Variants in ULK4 observed in about 807,000 individuals in gnomAD.
ULK4 encodes unc-51 like kinase 4.
Under a neutral mutation model 160.6 loss-of-function variants are expected in ULK4, and 133 were observed. The observed-to-expected ratio is 0.83, with a 90% CI of 0.72 to 0.96. The LOEUF (loss-of-function observed/expected upper bound fraction) is 0.96. ULK4 is among the 40% of genes least tolerant of loss of function. The pLI is 0.00. For synonymous variants in ULK4, 534 were observed against 539.8 expected (o/e 0.99, Z 0.15); for missense variants, 1,580 against 1,499.5 (o/e 1.05, Z -0.89).
intron 34 of ULK4, 30 bp downstream of exon 34, chr3:41,455,467 G>T (rs1340865464): frequency 5.1e-6 from 8 of 1,580,128 alleles, no homozygotes; most frequent in Non-Finnish European, 6.9e-6. Context: ...CTTCAGTAAT[G>T]CCCCAAAAGA....
At chr3:41,836,708 T>G (rs1351105205) in intron 17 of ULK4, among the ~76,000 whole-genome samples, 3 of 152,160 alleles carry the variant, frequency 2.0e-5, no homozygotes, top group African/African-American at 7.2e-5. Context: ...TTTTACATGA[T>G]TCCTTAAAAA....
intron 35 of ULK4, among the ~76,000 whole-genome samples, chr3:41,372,478 G>C (rs1268009712): frequency 6.6e-6 from 1 of 152,160 alleles, no homozygotes; most frequent in African/African-American, 2.4e-5. Flanking sequence ...AGAAAAGAGT[G>C]GGGGCCAATA....
intron 35 of ULK4, among the ~76,000 whole-genome samples, chr3:41,376,026 T>TA (rs1253520442): frequency 6.7e-6 from 1 of 149,814 alleles, no homozygotes; most frequent in African/African-American, 2.5e-5. Context: ...AATAAACATA[T>TA]AAAAAAAGCT....
At chr3:41,788,590 TG>T (rs1049979787) in intron 21 of ULK4, among the ~76,000 whole-genome samples, 2 of 151,910 alleles carry the variant, frequency 1.3e-5, no homozygotes, top group African/African-American at 4.8e-5. Context: ...CTCAGGAGGC[TG>T]AGGCAAGAGA....
chr3:41,488,435 C>T (rs2084624540), intron 32 of ULK4, among the ~76,000 whole-genome samples: 2 of 152,214 alleles, frequency 1.3e-5, no homozygotes, highest in African/African-American at 4.8e-5. Flanking sequence ...AAGCTCTACA[C>T]ACACACATAA....
At chr3:41,569,826 A>G (rs889705336) in intron 31 of ULK4, among the ~76,000 whole-genome samples, 1 of 151,916 alleles carries the variant, frequency 6.6e-6, no homozygotes, top group Non-Finnish European at 1.5e-5. Flanking sequence ...TGACTAACGA[A>G]TTTCCCACTT....
At chr3:41,872,377 T>C (rs532116619) in intron 17 of ULK4, among the ~76,000 whole-genome samples, 70 of 152,326 alleles carry the variant, frequency 4.6e-4, no homozygotes, top group African/African-American at 1.6e-3. Flanking sequence ...AAGGAACTTG[T>C]ACACATATTT....
At chr3:41,675,773 A>G (rs895763753) in intron 29 of ULK4, among the ~76,000 whole-genome samples, 4 of 152,144 alleles carry the variant, frequency 2.6e-5, no homozygotes, top group Admixed American at 1.3e-4. Flanking sequence ...CAAACCAAAT[A>G]TCACTTGCAG....
intron 31 of ULK4, among the ~76,000 whole-genome samples, chr3:41,574,700 G>A (rs1448815785): frequency 4.6e-5 from 7 of 151,876 alleles, no homozygotes; most frequent in Admixed American, 4.6e-4. Context: ...TGCCCACCAT[G>A]CCTGGCTAAT....
At chr3:41,548,230 G>C (rs2086933679) in intron 32 of ULK4, among the ~76,000 whole-genome samples, 1 of 152,028 alleles carries the variant, frequency 6.6e-6, no homozygotes, top group Non-Finnish European at 1.5e-5. Flanking sequence ...CACCTCTCTA[G>C]GTGTCCACAC....
chr3:41,888,035 G>A (rs1697790329), intron 16 of ULK4, among the ~76,000 whole-genome samples: 1 of 151,888 alleles, frequency 6.6e-6, no homozygotes, highest in South Asian at 2.1e-4. Context: ...ATTTAGCCAG[G>A]CATGGTAACA....
intron 2 of ULK4, among the ~76,000 whole-genome samples, chr3:41,945,115 C>T (rs967347365): frequency 1.3e-5 from 2 of 152,188 alleles, no homozygotes; most frequent in African/African-American, 4.8e-5. Flanking sequence ...GGAGCACTGG[C>T]CCCTGTCTCC....
intron 17 of ULK4, among the ~76,000 whole-genome samples, chr3:41,849,289 G>A (rs574328765): frequency 6.6e-6 from 1 of 152,158 alleles, no homozygotes; most frequent in South Asian, 2.1e-4. Context: ...GTAAACTATT[G>A]CATCCATATC....
At chr3:41,646,331 T>C (rs2034488764) in intron 30 of ULK4, among the ~76,000 whole-genome samples, 3 of 152,214 alleles carry the variant, frequency 2.0e-5, no homozygotes, top group East Asian at 1.9e-4. Flanking sequence ...CGACTGGTAC[T>C]GGTTGTTCCT....
intron 32 of ULK4, among the ~76,000 whole-genome samples, chr3:41,487,648 G>T (rs1046194492): frequency 1.3e-5 from 2 of 151,956 alleles, no homozygotes; most frequent in African/African-American, 2.4e-5. Flanking sequence ...CAAAATTCAG[G>T]CTAAATCTCT....
intron 30 of ULK4, among the ~76,000 whole-genome samples, chr3:41,657,818 T>TAAAAAAAAAAAAAAAAAAAAAAAAAAAAA (rs60281588): frequency 5.0e-5 from 5 of 99,726 alleles, no homozygotes; most frequent in East Asian, 4.7e-4. Context: ...TCCATCTCAT[T>TAAAAAAAAAAAAAAAAAAAAAAAAAAAAA]AAAAAAAAAA....
chr3:41,716,425 G>A (rs1316423339), intron 23 of ULK4, among the ~76,000 whole-genome samples: 2 of 152,000 alleles, frequency 1.3e-5, no homozygotes, highest in Non-Finnish European at 2.9e-5. Flanking sequence ...AACAGGATAA[G>A]TCCGGTAATA....
At chr3:41,536,121 C>T (rs1293191686) in intron 32 of ULK4, among the ~76,000 whole-genome samples, 1 of 152,178 alleles carries the variant, frequency 6.6e-6, no homozygotes, top group Admixed American at 6.5e-5. Flanking sequence ...TTTTGGAGCT[C>T]ACAGTCAGTT....
At chr3:41,418,199 T>C (rs2082573870) in intron 34 of ULK4, among the ~76,000 whole-genome samples, 1 of 152,140 alleles carries the variant, frequency 6.6e-6, no homozygotes, top group Non-Finnish European at 1.5e-5. Flanking sequence ...AATCTGCATA[T>C]AACTTTTGAC....
Sources: gnomAD v4.1 joint callset for allele counts (sites outside exome capture counted in the v4.1 genomes callset) on GRCh38, gnomAD v4.1.1 for gene constraint, MANE v1.5 for transcripts, NCBI Gene and HGNC (gene_info 2026-07-23, HGNC 2026-07-21) for gene names.